Variants in PLD5 observed in about 807,000 individuals in gnomAD.
PLD5 encodes inactive phospholipase D5.
Under a neutral mutation model 61.1 loss-of-function variants are expected in PLD5, and 36 were observed. The ratio of observed to expected loss-of-function variants is 0.59; its 90% CI spans 0.45 to 0.78. The LOEUF (loss-of-function observed/expected upper bound fraction) is 0.78. Ranked by LOEUF, PLD5 falls within the 30% of genes least tolerant of loss-of-function variation. PLD5 has a pLI of 0.00. For missense variants in PLD5, 515 were observed against 644.4 expected, an observed-to-expected ratio of 0.80 and a Z score of 2.17; for synonymous variants, 243 against 242.8, an observed-to-expected ratio of 1.00 and a Z score of -0.01.
chr1:242,412,426 A>C (rs1364104740), intron 1 of PLD5, among the ~76,000 whole-genome samples: 1 of 152,224 alleles, frequency 6.6e-6, no homozygotes, highest in Non-Finnish European at 1.5e-5. Context: ...TGGTGTAAGA[A>C]AAAGTAGCAC....
intron 5 of PLD5, among the ~76,000 whole-genome samples, chr1:242,170,146 T>A (rs1313780790): frequency 6.6e-6 from 1 of 152,194 alleles, no homozygotes; most frequent in East Asian, 1.9e-4. Flanking sequence ...GGAAGACAAC[T>A]CCCAGGTGGG....
chr1:242,426,638 G>A (rs902484026), intron 1 of PLD5, among the ~76,000 whole-genome samples: 1 of 152,204 alleles, frequency 6.6e-6, no homozygotes, highest in Non-Finnish European at 1.5e-5. Flanking sequence ...ACATTGTTAT[G>A]TGGGGTATGA....
rs1161596366 is a variant in PLD5, at chr1:242,468,342, C to A, written c.189+55746G>T. 1.3e-5 allele frequency among the ~76,000 whole-genome samples: 2 copies of A among 152,084 alleles called. 1 individual carries two copies. Among genetic ancestry groups the A allele is most frequent in the Admixed American group, 1.3e-4 (2 of 15,264 alleles). On this transcript the variant is annotated intron_variant, in intron 1 of 9. Coordinates refer to ENST00000536534, the MANE Select transcript of PLD5 (RefSeq NM_001372062.1). ...CTGTATGTAATAGCCTCATAATATG[C>A]CAGCCAGATACGTAAATTATCCTTA...
At chr1:242,305,957 G>T (rs368361507) in intron 2 of PLD5, among the ~76,000 whole-genome samples, 2 of 152,168 alleles carry the variant, frequency 1.3e-5, no homozygotes, top group South Asian at 2.1e-4. Context: ...AACTGGAAAG[G>T]GGGGGAAGTC....
chr1:242,430,522 G>A (rs1387022554), intron 1 of PLD5, among the ~76,000 whole-genome samples: 1 of 152,094 alleles, frequency 6.6e-6, no homozygotes, highest in Non-Finnish European at 1.5e-5. Flanking sequence ...TATATTCTTG[G>A]TGGACACACA....
rs527942328 is a variant in PLD5 at position 242,397,332 on chromosome 1, T to C, written c.190-49090A>G. Among the ~76,000 whole-genome samples the C allele has an allele frequency of 9.1e-5, 12 of 132,172 alleles. 1 individual carries two copies. The South Asian group carries it at 2.9e-3, about 32-fold the overall frequency. The allele number at this position is 132,172 out of a possible 152,430, so 86.7% of individuals were successfully genotyped here. A position where few individuals can be genotyped will look rare whatever the true frequency, so the allele number is the denominator to read the frequency against. ...TGCTGCTTGAATTATCCTTGACTTC[T>C]GTTTTTTTTCTTTGTTTTTTTTTTC... is the stretch of plus-strand genomic sequence containing the variant. On this transcript the variant is annotated intron_variant, in intron 1 of 9. Transcript: ENST00000536534.
chr1:242,159,372 G>T (rs1206177572), intron 5 of PLD5, among the ~76,000 whole-genome samples: 2 of 152,130 alleles, frequency 1.3e-5, no homozygotes, highest in Non-Finnish European at 2.9e-5. Context: ...GGTGTGTGTT[G>T]TCAGTGTCTG....
intron 1 of PLD5, among the ~76,000 whole-genome samples, chr1:242,476,867 T>C (rs1301173803): frequency 6.6e-6 from 1 of 152,176 alleles, no homozygotes; most frequent in African/African-American, 2.4e-5. Context: ...CAGGGAGGCA[T>C]GAAGACTTGG....
chr1:242,405,464 A>T lies in PLD5; in HGVS notation c.190-57222T>A, dbSNP rs370591043. Among the ~76,000 whole-genome samples the T allele has an allele frequency of 2.0e-5, 3 of 152,276 alleles. No homozygotes were observed. In the East Asian group the frequency reaches 5.8e-4, roughly 29 times the overall value. On this transcript the variant is annotated intron_variant, in intron 1 of 9. Transcript: ENST00000536534. ...AAAGCTCATTTGGCTCAAAATGTGA[A>T]TAGTGTAGAAGCGGCTCTTCCACAT...
At chr1:242,516,610 C>T (rs1669112934) in intron 1 of PLD5, among the ~76,000 whole-genome samples, 1 of 152,172 alleles carries the variant, frequency 6.6e-6, no homozygotes, top group Non-Finnish European at 1.5e-5. Context: ...ATTACAGAGT[C>T]ACTTTTGTCA....
intron 5 of PLD5, among the ~76,000 whole-genome samples, chr1:242,175,845 T>C (rs316877): frequency 0.51 from 78,154 of 151,918 alleles, 20,969 homozygotes; most frequent in East Asian, 0.74. Context: ...AACTCCCATT[T>C]GCAATTGCTA....
At chr1:242,526,778 C>T (rs1156506243), upstream of PLD5, among the ~76,000 whole-genome samples, 1 of 152,196 alleles carries the variant, frequency 6.6e-6, no homozygotes, top group Non-Finnish European at 1.5e-5. Context: ...AAAGTTTAGC[C>T]TCCATAGCTT....
rs34280777 is a variant in PLD5 at position 242,168,846 on chromosome 1, G to GTTTTTTTTTTTTTTTTTTTTTTTT, written c.736-44182_736-44181insAAAAAAAAAAAAAAAAAAAAAAAA. Among the ~76,000 whole-genome samples the GTTTTTTTTTTTTTTTTTTTTTTTT allele has an allele frequency of 1.3e-4, 14 of 111,276 alleles. 1 individual carries two copies. The highest frequency in any genetic ancestry group is 4.9e-4 in the African/African-American group (13 of 26,794). 73.0% of individuals were successfully genotyped at this position (111,276 alleles called of 152,430 possible). On this transcript the variant is annotated intron_variant, in intron 5 of 9. Coordinates refer to ENST00000536534, the MANE Select transcript of PLD5 (RefSeq NM_001372062.1). The stretch of plus-strand genomic sequence containing the variant: ...TCCATGACAGTTTTTAATTAATGAA[G>GTTTTTTTTTTTTTTTTTTTTTTTT]TTTTTTTTTTTTTTTTTTTTACCAC...
chr1:242,435,330 C>T (rs963247344), intron 1 of PLD5, among the ~76,000 whole-genome samples: 1 of 151,990 alleles, frequency 6.6e-6, no homozygotes, highest in African/African-American at 2.4e-5. Context: ...ACTCTGCTCT[C>T]TCGTTTCAGC....
In PLD5 at chr1:242,151,917, C is replaced by CT. The variant is rs555848076; in HGVS notation, c.736-27253dup. ...AAACAGCACAGAGAGATTCCTTGTA[C>CT]TTTTTACCCAGTTTCTCCCAGTGGT... is the stretch of plus-strand genomic sequence containing the variant. On this transcript the variant is annotated intron_variant, in intron 5 of 9. Coordinates refer to ENST00000536534, the MANE Select transcript of PLD5 (RefSeq NM_001372062.1). 5.3e-4 allele frequency among the ~76,000 whole-genome samples: 80 copies of CT among 152,128 alleles called. 2 individuals are homozygous for CT. In the South Asian group the frequency reaches 0.016, roughly 30 times the overall value.
intron 1 of PLD5, among the ~76,000 whole-genome samples, chr1:242,446,194 A>G (rs1223685580): frequency 1.3e-5 from 2 of 151,872 alleles, no homozygotes; most frequent in Non-Finnish European, 2.9e-5. Flanking sequence ...GCATATAACA[A>G]AATTATACTT....
At chr1:242,260,543 C>T (rs1195035748) in intron 4 of PLD5, among the ~76,000 whole-genome samples, 12 of 152,102 alleles carry the variant, frequency 7.9e-5, no homozygotes, top group Admixed American at 2.0e-4. Context: ...ACTTACACTC[C>T]ACTTTCAGCT....
At chr1:242,304,454 G>A (rs1676233495) in intron 2 of PLD5, among the ~76,000 whole-genome samples, 1 of 152,208 alleles carries the variant, frequency 6.6e-6, no homozygotes, top group African/African-American at 2.4e-5. Context: ...TATGGCTTAA[G>A]TTTCTTCCGA....
chr1:242,437,513 A>T (rs931669655), intron 1 of PLD5, among the ~76,000 whole-genome samples: 1 of 152,124 alleles, frequency 6.6e-6, no homozygotes, highest in Non-Finnish European at 1.5e-5. Context: ...CCTGGCCAAC[A>T]TGGAAAAACC....
Sources: gnomAD v4.1 joint callset for allele counts (sites outside exome capture counted in the v4.1 genomes callset) on GRCh38, gnomAD v4.1.1 for gene constraint, MANE v1.5 for transcripts, NCBI Gene and HGNC (gene_info 2026-07-23, HGNC 2026-07-21) for gene names.